PDE3B: variants seen among roughly 807,000 people sequenced by gnomAD.
The protein encoded by PDE3B is phosphodiesterase 3B, also known as cGMP-inhibited 3',5'-cyclic phosphodiesterase 3B.
In PDE3B, 66 loss-of-function variants were observed where a neutral mutation model predicts 116.8. That is an observed-to-expected ratio of 0.56 (90% confidence interval 0.46 to 0.69). PDE3B has a LOEUF of 0.69. Among genes scored for constraint, PDE3B ranks in the 30% least tolerant of loss-of-function variants. The pLI, the probability that PDE3B is intolerant of heterozygous loss-of-function variation, is 0.00. For synonymous variants in PDE3B, 595 were observed against 533.6 expected, an observed-to-expected ratio of 1.12 and a Z score of -1.59; for missense variants, 1,384 against 1,368.1, an observed-to-expected ratio of 1.01 and a Z score of -0.18.
intron 1 of PDE3B, among the ~76,000 whole-genome samples, chr11:14,746,146 C>T (rs1268168634): frequency 6.6e-6 from 1 of 152,214 alleles, no homozygotes; most frequent in Non-Finnish European, 1.5e-5. Context: ...GTAATCCCCT[C>T]ACTTTGGGAG....
At chr11:14,683,313 G>A (rs1361893890) in intron 1 of PDE3B, among the ~76,000 whole-genome samples, 2 of 150,968 alleles carry the variant, frequency 1.3e-5, no homozygotes, top group African/African-American at 2.4e-5. Context: ...TTTTCTTTTT[G>A]TTTTTTTGGA....
chr11:14,814,822 C>T (rs1434212691), intron 5 of PDE3B, among the ~76,000 whole-genome samples: 10 of 151,942 alleles, frequency 6.6e-5, no homozygotes, highest in Admixed American at 5.2e-4. Context: ...ATTAGCTGGG[C>T]GTGGTGGCGG....
intron 1 of PDE3B, among the ~76,000 whole-genome samples, chr11:14,656,426 T>A (rs995616542): frequency 1.3e-5 from 2 of 152,238 alleles, no homozygotes; most frequent in Non-Finnish European, 2.9e-5. Context: ...TTTCTTATAA[T>A]GTTTCCATGT....
intron 4 of PDE3B, among the ~76,000 whole-genome samples, chr11:14,799,551 T>C (rs949388878): frequency 1.2e-4 from 18 of 152,118 alleles, no homozygotes; most frequent in Admixed American, 1.0e-3. Context: ...CTCCCACTAT[T>C]ATTGTGTAGG....
At chr11:14,733,285 G>A (rs1856510381) in intron 1 of PDE3B, among the ~76,000 whole-genome samples, 1 of 152,086 alleles carries the variant, frequency 6.6e-6, no homozygotes, top group Non-Finnish European at 1.5e-5. Flanking sequence ...TCAGCCCCTA[G>A]GATGGTCTAC....
At chr11:14,675,022 A>C (rs1417391597) in intron 1 of PDE3B, among the ~76,000 whole-genome samples, 2 of 152,332 alleles carry the variant, frequency 1.3e-5, no homozygotes, top group African/African-American at 4.8e-5. Flanking sequence ...ATACGGATGT[A>C]TAATATTTCT....
intron 1 of PDE3B, among the ~76,000 whole-genome samples, chr11:14,703,332 C>G (rs1470033609): frequency 2.0e-5 from 3 of 151,472 alleles, no homozygotes; most frequent in Non-Finnish European, 4.4e-5. Flanking sequence ...TATAGTATTT[C>G]AAACATGTGG....
intron 10 of PDE3B, 59 bp downstream of exon 10, chr11:14,832,892 A>G (rs1317708005): frequency 5.4e-6 from 4 of 738,782 alleles, no homozygotes; most frequent in Non-Finnish European, 7.0e-6. Context: ...GAAACTCTTT[A>G]TCATCTTTCT....
intron 2 of PDE3B, chr11:14,776,356 G>C (rs1331872163): frequency 6.6e-6 from 1 of 152,272 alleles, no homozygotes; most frequent in African/African-American, 2.4e-5. Context: ...TGCCTGGCAA[G>C]GGGGATGTCC....
At chr11:14,781,677 A>G (rs1310954327) in intron 2 of PDE3B, among the ~76,000 whole-genome samples, 3 of 152,234 alleles carry the variant, frequency 2.0e-5, no homozygotes, top group Non-Finnish European at 4.4e-5. Context: ...AATAAGAGCT[A>G]TGTATGACAA....
chr11:14,869,590 A>G lies in PDE3B; in HGVS notation c.3269A>G (p.Gln1090Arg). The G allele has an allele frequency of 6.2e-7, 1 of 1,613,990 alleles. No individual in the cohort carries two copies. The change falls in exon 16 of 16, where the codon CAG becomes CGG. Residue 1090 changes from glutamine (Q) to arginine (R), a missense_variant. Coordinates refer to ENST00000282096, the MANE Select transcript of PDE3B (RefSeq NM_000922.4). ...TGTAAAGCTGATGGGAATAAACTGC[A>G]GGTGGAGAATTCCTCCTTACCTCAA... ...EKCKADGNKLQVENSSLPQAD... is the reference protein window; with the variant it reads ...EKCKADGNKLRVENSSLPQAD...
chr11:14,785,258 T>C (rs1447207260), intron 2 of PDE3B, among the ~76,000 whole-genome samples: 1 of 152,112 alleles, frequency 6.6e-6, no homozygotes, highest in East Asian at 1.9e-4. Flanking sequence ...CACAGTAACA[T>C]ATATAGACAG....
chr11:14,737,546 C>T (rs896628337), intron 1 of PDE3B, among the ~76,000 whole-genome samples: 11 of 152,164 alleles, frequency 7.2e-5, no homozygotes, highest in Non-Finnish European at 1.5e-4. Flanking sequence ...AATGAAACAG[C>T]TAATGTGCAA....
chr11:14,727,831 T>C (rs1856352881), intron 1 of PDE3B, among the ~76,000 whole-genome samples: 1 of 148,102 alleles, frequency 6.8e-6, no homozygotes, highest in Non-Finnish European at 1.5e-5. Context: ...TAATAAGCAC[T>C]ATTTATTCCT....
intron 12 of PDE3B, among the ~76,000 whole-genome samples, chr11:14,845,711 A>C (rs1440501279): frequency 2.0e-5 from 3 of 152,242 alleles, no homozygotes; most frequent in African/African-American, 7.2e-5. Flanking sequence ...TCAGGAGCCG[A>C]TGTGATCAAC....
At chr11:14,780,996 T>C (rs1359659985) in intron 2 of PDE3B, among the ~76,000 whole-genome samples, 1 of 152,072 alleles carries the variant, frequency 6.6e-6, no homozygotes, top group African/African-American at 2.4e-5. Context: ...CCACCAATCC[T>C]ACAGAGATAC....
rs1344369887 is a variant in PDE3B at position 14,710,344 on chromosome 11, C to T, written c.979-61593C>T. On this transcript the variant is annotated intron_variant, in intron 1 of 15. Coordinates refer to ENST00000282096, the MANE Select transcript of PDE3B (RefSeq NM_000922.4). The stretch of plus-strand genomic sequence containing the variant: ...CATTATTTTTGGTTTCCTAGGACAT[C>T]CTCTTCCACCCAGTCCCTCTTCTTA... Among the ~76,000 whole-genome samples the T allele has an allele frequency of 2.0e-5, 3 of 152,102 alleles. No homozygotes were observed. The South Asian group carries it at 6.2e-4, about 32-fold the overall frequency.
intron 5 of PDE3B, among the ~76,000 whole-genome samples, chr11:14,813,378 G>T (rs1473594819): frequency 6.6e-6 from 1 of 152,110 alleles, no homozygotes; most frequent in Non-Finnish European, 1.5e-5. Context: ...TTGCCTGCCT[G>T]GATTCCTGGC....
At chr11:14,878,226 T>C in the PDE3B span, 1 of 1,613,194 alleles carries the variant, frequency 6.2e-7, no homozygotes, top group Non-Finnish European at 8.5e-7. Context: ...AAATGAAACC[T>C]CTGAAGCAAT....
Sources: allele counts gnomAD v4.1 joint callset (sites outside exome capture counted in the v4.1 genomes callset), GRCh38; gene constraint gnomAD v4.1.1; transcripts MANE v1.5; gene names NCBI Gene and HGNC (gene_info 2026-07-23, HGNC 2026-07-21).